PTPRG: variants seen among roughly 807,000 people sequenced by gnomAD.
PTPRG encodes receptor-type tyrosine-protein phosphatase gamma.
Under a neutral mutation model 165.3 loss-of-function variants are expected in PTPRG, and 102 were observed. That is an observed-to-expected ratio of 0.62 (90% confidence interval 0.53 to 0.73). PTPRG has a LOEUF of 0.73. Ranked by LOEUF, PTPRG falls within the 30% of genes least tolerant of loss-of-function variation. PTPRG has a pLI of 0.00. For missense variants in PTPRG, 1,866 were observed against 1,861.4 expected, an observed-to-expected ratio of 1.00 and a Z score of -0.05; for synonymous variants, 675 against 669.5, an observed-to-expected ratio of 1.01 and a Z score of -0.13.
intron 6 of PTPRG, among the ~76,000 whole-genome samples, chr3:62,149,746 C>T (rs1217432511): frequency 1.3e-5 from 2 of 152,266 alleles, no homozygotes; most frequent in Admixed American, 6.5e-5. Context: ...CATTCATGGC[C>T]GGTCTAGACT....
At chr3:61,661,580 A>G (rs1341171995) in intron 1 of PTPRG, among the ~76,000 whole-genome samples, 1 of 152,240 alleles carries the variant, frequency 6.6e-6, no homozygotes, top group Non-Finnish European at 1.5e-5. Context: ...ATACCAAAAA[A>G]CACTAGAAAT....
intron 2 of PTPRG, among the ~76,000 whole-genome samples, chr3:61,795,174 T>C (rs2107144484): frequency 6.6e-6 from 1 of 152,322 alleles, no homozygotes; most frequent in Admixed American, 6.5e-5. Context: ...TCTAAGGTCA[T>C]ACAACTAATA....
chr3:61,664,246 C>T (rs974133852), intron 1 of PTPRG, among the ~76,000 whole-genome samples: 3 of 152,082 alleles, frequency 2.0e-5, no homozygotes, highest in African/African-American at 7.2e-5. Context: ...AGTGTCACGC[C>T]CCTCGCATTT....
At chr3:61,859,960 A>G (rs762909798) in intron 2 of PTPRG, among the ~76,000 whole-genome samples, 2 of 152,210 alleles carry the variant, frequency 1.3e-5, no homozygotes, top group African/African-American at 4.8e-5. Context: ...TTCATAAGCA[A>G]CTGCTCTTGT....
In PTPRG at chr3:62,273,770, C is replaced by A; in HGVS notation, c.3391C>A (p.Gln1131Lys). 6.2e-7 allele frequency: 1 copy of A among 1,613,620 alleles called. No homozygotes were observed. Among genetic ancestry groups the A allele is most frequent in the Non-Finnish European group, 8.5e-7 (1 of 1,179,612 alleles). ...AAAGGAGACTGAAGTATCTTCAAAT[C>A]AGCTGCACAGCTATGTTAACAGCAT... is the stretch of plus-strand genomic sequence containing the variant. ...LGKETEVSSN[Q>K]LHSYVNSILI... is the part of the protein sequence containing the mutation. The change falls in exon 23 of 30, where the codon CAG becomes AAG. Residue 1131 changes from glutamine (Q) to lysine (K), a missense_variant. By Grantham distance (53) the Gln-to-Lys change is moderately conservative. Coordinates refer to ENST00000474889, the MANE Select transcript of PTPRG (RefSeq NM_002841.4). The surrounding 1 kb of genome is among the most constrained non-coding windows in gnomAD (Gnocchi z 4.1).
intron 4 of PTPRG, among the ~76,000 whole-genome samples, chr3:62,057,605 T>A (rs967725897): frequency 6.6e-6 from 1 of 152,212 alleles, no homozygotes; most frequent in African/African-American, 2.4e-5. Flanking sequence ...CTGCAAAGAA[T>A]GCCAGCTAAC....
chr3:62,027,888 T>C (rs961340793), intron 4 of PTPRG, among the ~76,000 whole-genome samples: 2 of 152,220 alleles, frequency 1.3e-5, no homozygotes, highest in Non-Finnish European at 2.9e-5. Context: ...GTAATTTTCC[T>C]TGTTATAATA....
Position 62,222,692 on chromosome 3 carries a change from G to T in PTPRG, c.2288+3709G>T, listed in dbSNP as rs777461126. On this transcript the variant is annotated intron_variant, in intron 13 of 29. Coordinates refer to ENST00000474889, the MANE Select transcript of PTPRG (RefSeq NM_002841.4). This position sits in a 1 kb window ranked among gnomAD's most constrained non-coding sequence, Gnocchi z 4.5. ...CAAGACCTAAAAAAGTGAGTAGAAG[G>T]TTCAGCTAAGTATTCTGTTACTTAA... Among the ~76,000 whole-genome samples, 3 of 152,118 alleles carry T rather than the reference G, an allele frequency of 2.0e-5. No homozygotes were observed. The highest frequency in any genetic ancestry group is 7.2e-5 in the African/African-American group (3 of 41,438).
chr3:61,696,019 A>G (rs752244092), intron 1 of PTPRG, among the ~76,000 whole-genome samples: 1 of 152,180 alleles, frequency 6.6e-6, no homozygotes, highest in Non-Finnish European at 1.5e-5. Flanking sequence ...GGCACAGTCA[A>G]CATGAGGTTG....
At chr3:61,742,979 G>T (rs2033054810) in intron 1 of PTPRG, 26 of 1,508,732 alleles carry the variant, frequency 1.7e-5, no homozygotes, top group Non-Finnish European at 2.3e-5. Context: ...TTGTCCTTCT[G>T]GGGGTCATAG....
intron 1 of PTPRG, among the ~76,000 whole-genome samples, chr3:61,624,219 G>T (rs765179827): frequency 1.3e-5 from 2 of 151,990 alleles, no homozygotes; most frequent in African/African-American, 2.4e-5. Context: ...GCTGCGAACC[G>T]GAGCAAGCTT....
At chr3:62,160,685 C>T (rs778373536) in intron 7 of PTPRG, among the ~76,000 whole-genome samples, 1 of 152,206 alleles carries the variant, frequency 6.6e-6, no homozygotes, top group Non-Finnish European at 1.5e-5. Context: ...TGGTTCTTTG[C>T]CCATAGGCAA....
chr3:61,863,023 C>A (rs1360967119), intron 2 of PTPRG, among the ~76,000 whole-genome samples: 1 of 151,162 alleles, frequency 6.6e-6, no homozygotes, highest in Middle Eastern at 3.4e-3. Context: ...TCTATGAGGG[C>A]GAACTGTAAG....
chr3:61,750,110 A>G (rs984517313), intron 2 of PTPRG: 3 of 152,182 alleles, frequency 2.0e-5, no homozygotes, highest in Admixed American at 6.5e-5. Flanking sequence ...TTTCCATCAC[A>G]CCCAGTACCT....
At chr3:61,790,767 G>A (rs2034846795) in intron 2 of PTPRG, among the ~76,000 whole-genome samples, 1 of 148,746 alleles carries the variant, frequency 6.7e-6, no homozygotes, top group South Asian at 2.1e-4. Context: ...TTTTGGTTTG[G>A]TAATTTTTCC....
rs748563048 is a variant in PTPRG at position 62,276,001 on chromosome 3, A to G, written c.3559+35A>G. The stretch of plus-strand genomic sequence containing the variant: ...TAAAACAGTTTGTTAGTGATCTTTT[A>G]TACTGGATTGTATGTTAGGTACAGA... On this transcript the variant is annotated intron_variant, in intron 24 of 29. Coordinates refer to ENST00000474889, the MANE Select transcript of PTPRG (RefSeq NM_002841.4). 2.5e-5 allele frequency: 37 copies of G among 1,486,544 alleles called. No homozygotes were observed. In the Admixed American group the frequency reaches 6.3e-4, roughly 25 times the overall value. 92.1% of individuals were successfully genotyped at this position (1,486,544 alleles called of 1,614,324 possible). A position where few individuals can be genotyped will look rare whatever the true frequency, so the allele number is the denominator to read the frequency against.
intron 2 of PTPRG, among the ~76,000 whole-genome samples, chr3:61,920,930 T>A (rs1167229022): frequency 6.6e-6 from 1 of 152,218 alleles, no homozygotes; most frequent in Admixed American, 6.5e-5. Flanking sequence ...TTTGGTGAAA[T>A]ATGATGTTTT....
At chr3:61,968,431 G>A (rs2040317345) in intron 2 of PTPRG, among the ~76,000 whole-genome samples, 1 of 152,070 alleles carries the variant, frequency 6.6e-6, no homozygotes, top group Non-Finnish European at 1.5e-5. Context: ...CTGTTCCTTT[G>A]CTGAGTTGGA....
rs1397080998 is a variant in PTPRG, at chr3:62,295,781, AT to A, written c.*2477del. 1 of 152,104 alleles carries A rather than the reference AT, an allele frequency of 6.6e-6. No homozygotes were observed. The highest frequency in any genetic ancestry group is 1.5e-5 in the Non-Finnish European group (1 of 67,992). The allele number at this position is 152,104 out of a possible 1,614,324, so 9.4% of individuals were successfully genotyped here. ...AACACACTTCAATGAGGACAGTTAT[AT>A]TTAGCAGGTCCTCACCCCTGCAAGA... On this transcript the variant is annotated 3_prime_UTR_variant, in exon 30 of 30. Transcript: ENST00000474889.
Sources: allele counts gnomAD v4.1 joint callset (sites outside exome capture counted in the v4.1 genomes callset), GRCh38; gene constraint gnomAD v4.1.1; non-coding constraint Gnocchi (gnomAD v3.1); transcripts MANE v1.5; gene names NCBI Gene and HGNC (gene_info 2026-07-23, HGNC 2026-07-21).